MORN1: variants seen among roughly 807,000 people sequenced by gnomAD.
The protein encoded by MORN1 is MORN repeat-containing protein 1.
In MORN1, 67 loss-of-function variants were observed where a neutral mutation model predicts 61.9. That is an observed-to-expected ratio of 1.08 (90% CI 0.89 to 1.33). The LOEUF (loss-of-function observed/expected upper bound fraction) is 1.33, where lower values mean the gene tolerates loss of function less well. Among genes scored for constraint, MORN1 ranks in the 40% most tolerant of loss-of-function variants. The probability of loss-of-function intolerance (pLI) is 0.00; values close to 1 mark genes in which losing one functional copy is unlikely to be tolerated. For synonymous variants in MORN1, 301 were observed against 292.0 expected, an observed-to-expected ratio of 1.03 and a Z score of -0.31; for missense variants, 752 against 691.2, an observed-to-expected ratio of 1.09 and a Z score of -0.99.
At chr1:2,322,976 G>T in intron 13 of MORN1, 1 of 985,450 alleles carries the variant, frequency 1.0e-6, no homozygotes, top group Non-Finnish European at 1.2e-6. Context: ...TACGTACATG[G>T]CTTAGCCCCA....
chr1:2,356,950 CA>C (rs1641784975), intron 10 of MORN1, among the ~76,000 whole-genome samples: 1 of 152,188 alleles, frequency 6.6e-6, no homozygotes, highest in South Asian at 2.1e-4. Context: ...ACCTGGGCCT[CA>C]TCTCCACGAA....
intron 10 of MORN1, among the ~76,000 whole-genome samples, chr1:2,342,863 TTTTA>T (rs764101406): frequency 0.12 from 14,152 of 116,852 alleles, 817 homozygotes; most frequent in African/African-American, 0.16. Context: ...TTTTATTTTA[TTTTA>T]TTTATTTTAT....
At chr1:2,364,299 G>A (rs1641956523) in intron 8 of MORN1, among the ~76,000 whole-genome samples, 1 of 152,102 alleles carries the variant, frequency 6.6e-6, no homozygotes, top group Non-Finnish European at 1.5e-5. Flanking sequence ...CAAAATACAT[G>A]AACCAAAAAT....
chr1:2,351,163 G>C lies in MORN1; in HGVS notation c.1036+6269C>G, dbSNP rs757615458. ...TGCCAGGTGAAGTCCAGCTGGGAAC[G>C]GCGGGGGTGCTGCGTGAGCACAGCT... On this transcript the variant is annotated intron_variant, in intron 10 of 13. Transcript: ENST00000378531. The C allele has an allele frequency of 2.0e-5, 3 of 152,722 alleles. No homozygotes were observed. The East Asian group carries it at 5.8e-4, about 29-fold the overall frequency. The allele number at this position is 152,722 out of a possible 1,614,324, so 9.5% of individuals were successfully genotyped here.
chr1:2,322,537 C>T, intron 13 of MORN1: 1 of 985,208 alleles, frequency 1.0e-6, no homozygotes, highest in Non-Finnish European at 1.2e-6. Flanking sequence ...ATGTGCTTGG[C>T]CCCGAGTCAG....
chr1:2,370,542 A>G (rs1023607228), intron 8 of MORN1, among the ~76,000 whole-genome samples: 1 of 152,246 alleles, frequency 6.6e-6, no homozygotes, highest in Non-Finnish European at 1.5e-5. Flanking sequence ...CATTAGGCAA[A>G]TGAAAAGATG....
At chr1:2,354,652 C>T (rs549379193) in intron 10 of MORN1, among the ~76,000 whole-genome samples, 1 of 152,362 alleles carries the variant, frequency 6.6e-6, no homozygotes, top group South Asian at 2.1e-4. Context: ...CCACGCTCCT[C>T]TCCTCCGGGG....
intron 12 of MORN1, among the ~76,000 whole-genome samples, chr1:2,331,845 CTCTCCCGCCCCTGCGCCTCTCCCTCG>C (rs1641158225): frequency 1.5e-5 from 2 of 130,552 alleles, no homozygotes; most frequent in African/African-American, 6.4e-5. Context: ...CCTCGTGCGG[CTCTCCCGCCCCTGCGCCTCTCCCTCG>C]TGCGCCTCTC....
Position 2,325,113 on chromosome 1 carries a change from C to CCTTCCTTCT in MORN1, c.1251-971_1251-970insAGAAGGAAG, listed in dbSNP as rs1433447467. ...TTCTTCTTTCTCTCCCCTTTCCTTC[C>CCTTCCTTCT]CTTCCTTCCCTTCCTTCCTTCCCTC... On this transcript the variant is annotated intron_variant, in intron 12 of 13. Transcript: ENST00000378531. Among the ~76,000 whole-genome samples the CCTTCCTTCT allele has an allele frequency of 2.3e-3, 227 of 98,308 alleles. 5 individuals are homozygous for CCTTCCTTCT. Among genetic ancestry groups the CCTTCCTTCT allele is most frequent in the Non-Finnish European group, 2.9e-3 (154 of 52,360 alleles). The allele number at this position is 98,308 out of a possible 152,430, so 64.5% of individuals were successfully genotyped here. A position where few individuals can be genotyped will look rare whatever the true frequency, so the allele number is the denominator to read the frequency against.
chr1:2,360,010 C>T (rs187801709), intron 8 of MORN1, among the ~76,000 whole-genome samples: 9 of 152,318 alleles, frequency 5.9e-5, no homozygotes, highest in African/African-American at 1.4e-4. Context: ...ATGGGCCATT[C>T]GGACAAAGCA....
In MORN1 at chr1:2,334,911, G is replaced by A. The variant is rs113792782; in HGVS notation, c.1250+1558C>T. Among the ~76,000 whole-genome samples, 2,039 of 152,288 alleles carry A rather than the reference G, an allele frequency of 0.013. 43 individuals are homozygous for A. Among genetic ancestry groups the A allele is most frequent in the African/African-American group, 0.046 (1,929 of 41,562 alleles). ...GGTTCTGGAGCGAAGTGGAGGTGCC[G>A]CCCTGGGCGTTCGGGTCTGTGTGAG... On this transcript the variant is annotated intron_variant, in intron 12 of 13. Transcript: ENST00000378531. This position sits in a 1 kb window ranked among gnomAD's most constrained non-coding sequence, Gnocchi z 5.4.
At chr1:2,386,202 C>G (rs998722298) in intron 4 of MORN1, 15 of 387,526 alleles carry the variant, frequency 3.9e-5, no homozygotes, top group Middle Eastern at 1.5e-3. Context: ...GCCCTGCGGA[C>G]TGCCATCTGA....
chr1:2,340,007 G>A (rs368118611), intron 10 of MORN1, among the ~76,000 whole-genome samples: 6 of 152,344 alleles, frequency 3.9e-5, no homozygotes, highest in South Asian at 2.1e-4. Context: ...TGCTGAAGAC[G>A]CAGGTTTTCC....
chr1:2,367,817 C>T (rs897300146), intron 8 of MORN1, among the ~76,000 whole-genome samples: 1 of 152,114 alleles, frequency 6.6e-6, no homozygotes, highest in African/African-American at 2.4e-5. Context: ...TTAGTGGTGA[C>T]AGGGTTTTGC....
At chr1:2,356,205 G>C (rs1490527860) in intron 10 of MORN1, among the ~76,000 whole-genome samples, 2 of 152,208 alleles carry the variant, frequency 1.3e-5, no homozygotes, top group African/African-American at 2.4e-5. Context: ...GCCTTCAGGG[G>C]ACTTGGGGCT....
At chr1:2,385,206 TCC>T in intron 5 of MORN1, 141 bp from the exon 6 acceptor site, 1 of 828,416 alleles carries the variant, frequency 1.2e-6, no homozygotes, top group Non-Finnish European at 1.9e-6. Context: ...CCCCAAGAGC[TCC>T]TGCCTCGCCA....
At chr1:2,367,306 CAAAAAAAAAAA>C (rs56188781) in intron 8 of MORN1, among the ~76,000 whole-genome samples, 1 of 132,812 alleles carries the variant, frequency 7.5e-6, no homozygotes, top group Admixed American at 7.5e-5. Context: ...ATTGCTCTAT[CAAAAAAAAAAA>C]AAAAAAAGAA....
chr1:2,345,783 C>T (rs1487840964), intron 10 of MORN1, among the ~76,000 whole-genome samples: 1 of 152,000 alleles, frequency 6.6e-6, no homozygotes, highest in African/African-American at 2.4e-5. Flanking sequence ...GTTCACAGGC[C>T]CTGCCAGGGG....
At chr1:2,362,527 C>T (rs1345804752) in intron 8 of MORN1, among the ~76,000 whole-genome samples, 1 of 152,142 alleles carries the variant, frequency 6.6e-6, no homozygotes, top group Non-Finnish European at 1.5e-5. Context: ...AGGGAACCAG[C>T]AAACAGTGGG....
Sources: allele counts gnomAD v4.1 joint callset (sites outside exome capture counted in the v4.1 genomes callset), GRCh38; gene constraint gnomAD v4.1.1; non-coding constraint Gnocchi (gnomAD v3.1); transcripts MANE v1.5; gene names NCBI Gene and HGNC (gene_info 2026-07-23, HGNC 2026-07-21).